Variants in GABRA3 observed in about 807,000 individuals in gnomAD.
GABRA3 encodes gamma-aminobutyric acid type A receptor subunit alpha3.
Under a neutral mutation model 30.1 loss-of-function variants are expected in GABRA3, and 10 were observed. The observed-to-expected ratio is 0.33, with a 90% CI of 0.20 to 0.56. The LOEUF (loss-of-function observed/expected upper bound fraction) is 0.56. Among genes scored for constraint, GABRA3 ranks in the 20% least tolerant of loss-of-function variants. The pLI is 0.89. For synonymous variants in GABRA3, 151 were observed against 146.8 expected, an observed-to-expected ratio of 1.03 and a Z score of -0.21; for missense variants, 233 against 392.0, an observed-to-expected ratio of 0.59 and a Z score of 3.42.
chrX:152,409,916 T>C (rs1267817413), intron 1 of GABRA3, among the ~76,000 whole-genome samples: 1 of 112,708 alleles, frequency 8.9e-6, no homozygotes, highest in Non-Finnish European at 1.9e-5. Flanking sequence ...CACTGTTATG[T>C]TTATTGCAGC....
At chrX:152,240,420 C>G (rs1454284920) in intron 5 of GABRA3, among the ~76,000 whole-genome samples, 2 of 88,427 alleles carry the variant, frequency 2.3e-5, no homozygotes, top group Admixed American at 1.3e-4. Flanking sequence ...CTCTGGCTGC[C>G]CTTAACATTT....
intron 1 of GABRA3, among the ~76,000 whole-genome samples, chrX:152,414,700 T>A (rs976985725): frequency 7.2e-5 from 8 of 110,503 alleles, no homozygotes; most frequent in African/African-American, 2.6e-4. Context: ...TCCAAATGAT[T>A]TGAAAGTTTA....
At chrX:152,215,762 C>T (rs1937708727) in intron 6 of GABRA3, among the ~76,000 whole-genome samples, 1 of 111,180 alleles carries the variant, frequency 9.0e-6, no homozygotes, top group Admixed American at 9.6e-5. Context: ...TTTTATCAAA[C>T]TAAAAATCTT....
At chrX:152,182,500 A>ATG (rs1326721043) in intron 9 of GABRA3, among the ~76,000 whole-genome samples, 88 of 86,273 alleles carry the variant, frequency 1.0e-3, no homozygotes, top group African/African-American at 3.5e-3. Context: ...TATATATAGT[A>ATG]TATATACTCT....
intron 1 of GABRA3, among the ~76,000 whole-genome samples, chrX:152,450,012 G>A (rs1347396019): frequency 9.0e-6 from 1 of 111,217 alleles, no homozygotes; most frequent in Non-Finnish European, 1.9e-5. Context: ...AGGGATGTCA[G>A]AATTACTACC....
chrX:152,377,646 T>TA lies in GABRA3; in HGVS notation c.-26-13051dup, dbSNP rs1425574122. 4.4e-4 allele frequency among the ~76,000 whole-genome samples: 49 copies of TA among 110,223 alleles called. 2 individuals carry two copies. Among genetic ancestry groups the TA allele is most frequent in the Admixed American group, 2.8e-3 (29 of 10,331 alleles). ...AAAAAAAAACAACCTAAGGAAATTT[T>TA]AAAAAAAAGAAAACAAAAACAGCAA... On this transcript the variant is annotated intron_variant, in intron 1 of 9. Coordinates refer to ENST00000370314, the MANE Select transcript of GABRA3 (RefSeq NM_000808.4).
At chrX:152,294,062 T>C (rs895213347) in intron 3 of GABRA3, among the ~76,000 whole-genome samples, 3 of 111,552 alleles carry the variant, frequency 2.7e-5, no homozygotes, top group Non-Finnish European at 3.8e-5. Flanking sequence ...CCTTAACATT[T>C]TTCCTTCATT....
chrX:152,263,220 C>T (rs1293369488), intron 4 of GABRA3, among the ~76,000 whole-genome samples: 1 of 110,314 alleles, frequency 9.1e-6, no homozygotes, highest in African/African-American at 3.3e-5. Context: ...AGCTAAACCA[C>T]ATCATAAACT....
chrX:152,233,331 T>C (rs1401563533), intron 5 of GABRA3, among the ~76,000 whole-genome samples: 4 of 111,367 alleles, frequency 3.6e-5, no homozygotes, highest in Non-Finnish European at 5.7e-5. Flanking sequence ...CATTTGTCAA[T>C]TTTGGCTTTT....
intron 3 of GABRA3, among the ~76,000 whole-genome samples, chrX:152,289,157 G>C (rs1237085657): frequency 9.2e-6 from 1 of 108,708 alleles, no homozygotes. Flanking sequence ...TTTATGTTGA[G>C]TATACTGCTC....
chrX:152,385,153 A>C (rs1025960316), intron 1 of GABRA3, among the ~76,000 whole-genome samples: 9 of 111,996 alleles, frequency 8.0e-5, no homozygotes, highest in African/African-American at 2.9e-4. Flanking sequence ...GATCTCTTAC[A>C]CTTCAGGTAG....
intron 5 of GABRA3, among the ~76,000 whole-genome samples, chrX:152,242,297 A>G (rs1168331139): frequency 3.6e-5 from 4 of 111,579 alleles, no homozygotes; most frequent in Non-Finnish European, 3.8e-5. Flanking sequence ...TTGAGTTGAA[A>G]CTATAAAACT....
intron 4 of GABRA3, among the ~76,000 whole-genome samples, chrX:152,273,575 G>A (rs750361921): frequency 6.2e-5 from 7 of 112,164 alleles, no homozygotes; most frequent in South Asian, 3.7e-4. Context: ...AAGAAAATAC[G>A]GTATGTATAT....
At chrX:152,182,299 TTA>T (rs1415368532) in intron 9 of GABRA3, among the ~76,000 whole-genome samples, 64 of 94,953 alleles carry the variant, frequency 6.7e-4, no homozygotes, top group South Asian at 5.1e-3. Context: ...GCCTGACGTG[TTA>T]TATATATATA....
intron 5 of GABRA3, among the ~76,000 whole-genome samples, chrX:152,237,158 G>A (rs1292579192): frequency 1.8e-5 from 2 of 111,392 alleles, no homozygotes; most frequent in African/African-American, 3.3e-5. Context: ...AATCCATCTT[G>A]AATTGATTTT....
At chrX:152,183,597 T>C (rs149162021) in intron 9 of GABRA3, among the ~76,000 whole-genome samples, 1 of 111,139 alleles carries the variant, frequency 9.0e-6, no homozygotes, top group African/African-American at 3.3e-5. Flanking sequence ...TCTAGTAACT[T>C]TGGGCTTAGT....
At chrX:152,303,582 A>C (rs1939670053) in intron 3 of GABRA3, among the ~76,000 whole-genome samples, 1 of 112,171 alleles carries the variant, frequency 8.9e-6, no homozygotes. Flanking sequence ...TCAATGATAG[A>C]CTGGATAAAG....
intron 1 of GABRA3, among the ~76,000 whole-genome samples, chrX:152,368,701 C>CT (rs59912352): frequency 6.5e-4 from 32 of 49,552 alleles, no homozygotes; most frequent in African/African-American, 1.6e-3. Flanking sequence ...AATTTTTTTT[C>CT]TTTTTTTTTT....
intron 4 of GABRA3, among the ~76,000 whole-genome samples, chrX:152,277,557 G>A (rs1939110442): frequency 9.0e-6 from 1 of 111,285 alleles, no homozygotes; most frequent in South Asian, 3.7e-4. Flanking sequence ...GTGATTATTT[G>A]CTCCACAAGT....
Sources: allele counts gnomAD v4.1 joint callset (sites outside exome capture counted in the v4.1 genomes callset), GRCh38; gene constraint gnomAD v4.1.1; transcripts MANE v1.5; gene names NCBI Gene and HGNC (gene_info 2026-07-23, HGNC 2026-07-21).